SLC24A2: variants seen among roughly 807,000 people sequenced by gnomAD.
The protein encoded by SLC24A2 is sodium/potassium/calcium exchanger 2.
In SLC24A2, 36 loss-of-function variants were observed where a neutral mutation model predicts 62.0. That is an observed-to-expected ratio of 0.58 (90% CI 0.44 to 0.77). The LOEUF (loss-of-function observed/expected upper bound fraction) is 0.77, where lower values mean the gene tolerates loss of function less well. SLC24A2 is among the 30% of genes least tolerant of loss of function. The probability of loss-of-function intolerance (pLI) is 0.00; values close to 1 mark genes in which losing one functional copy is unlikely to be tolerated. For synonymous variants in SLC24A2, 358 were observed against 294.0 expected (o/e 1.22, Z -2.23); for missense variants, 846 against 817.9 (o/e 1.03, Z -0.42).
At chr9:20,269,990 T>C in the SLC24A2 span, among the ~76,000 whole-genome samples, 3 of 152,186 alleles carry the variant, frequency 2.0e-5, no homozygotes, top group Non-Finnish European at 4.4e-5. Context: ...AGATTTTTCA[T>C]GCTGCATCAT....
the SLC24A2 span, among the ~76,000 whole-genome samples, chr9:20,165,562 G>C: frequency 2.6e-5 from 4 of 151,740 alleles, no homozygotes; most frequent in African/African-American, 9.7e-5. Context: ...GAAATAAATG[G>C]TGTTAAGACA....
At chr9:19,925,470 GTA>G in the SLC24A2 span, among the ~76,000 whole-genome samples, 1 of 152,150 alleles carries the variant, frequency 6.6e-6, no homozygotes, top group Admixed American at 6.5e-5. Context: ...AACTCCTTGT[GTA>G]TATATGTTTT....
chr9:19,524,246 C>G lies in SLC24A2; in HGVS notation c.1570-3186G>C, dbSNP rs1173572059. On this transcript the variant is annotated intron_variant, in intron 9 of 10. Coordinates refer to ENST00000341998, the MANE Select transcript of SLC24A2 (RefSeq NM_020344.4). The stretch of plus-strand genomic sequence containing the variant: ...TTCTGTGCCTTGGTTTAAGGAGGAT[C>G]TGAAAGAATGCTATAGTGGCTAAAT... Among the ~76,000 whole-genome samples, 4 of 150,206 alleles carry G rather than the reference C, an allele frequency of 2.7e-5. No homozygotes were observed. The Admixed American group carries it at 2.7e-4, about 10-fold the overall frequency.
intron 2 of SLC24A2, among the ~76,000 whole-genome samples, chr9:19,699,683 A>G (rs889139856): frequency 1.3e-5 from 2 of 152,240 alleles, no homozygotes; most frequent in African/African-American, 4.8e-5. Flanking sequence ...AAAGAAATGT[A>G]TCAAATTAAT....
chr9:20,210,550 T>G, the SLC24A2 span, among the ~76,000 whole-genome samples: 1 of 149,636 alleles, frequency 6.7e-6, no homozygotes, highest in Non-Finnish European at 1.5e-5. Context: ...CTCGGCTCAC[T>G]GCAAGCTCCG....
the SLC24A2 span, among the ~76,000 whole-genome samples, chr9:19,819,332 A>C: frequency 6.6e-6 from 1 of 152,178 alleles, no homozygotes; most frequent in East Asian, 1.9e-4. Context: ...ATGCAATAAA[A>C]GCAAAGATAA....
the SLC24A2 span, among the ~76,000 whole-genome samples, chr9:20,003,711 G>A: frequency 2.0e-5 from 3 of 152,128 alleles, no homozygotes; most frequent in African/African-American, 4.8e-5. Context: ...CTCTGCTGTT[G>A]TAGCATGAAA....
At chr9:20,215,221 T>C in the SLC24A2 span, among the ~76,000 whole-genome samples, 1 of 152,164 alleles carries the variant, frequency 6.6e-6, no homozygotes, top group Non-Finnish European at 1.5e-5. Context: ...TTATAAGGAC[T>C]CTACTCCCAA....
chr9:19,907,351 C>G, the SLC24A2 span, among the ~76,000 whole-genome samples: 1 of 152,180 alleles, frequency 6.6e-6, no homozygotes, highest in Non-Finnish European at 1.5e-5. Flanking sequence ...CTATCTATGA[C>G]AAACCCACAG....
the SLC24A2 span, among the ~76,000 whole-genome samples, chr9:20,119,998 G>A: frequency 2.0e-5 from 3 of 152,200 alleles, no homozygotes; most frequent in East Asian, 3.9e-4. Flanking sequence ...CAAGAGCATC[G>A]GCAGGGCTGT....
chr9:20,253,591 C>T, the SLC24A2 span, among the ~76,000 whole-genome samples: 12 of 152,172 alleles, frequency 7.9e-5, no homozygotes, highest in Non-Finnish European at 1.3e-4. Context: ...TGTCCAGACC[C>T]TACTCTGAAC....
chr9:19,718,158 G>C (rs914316745), intron 2 of SLC24A2, among the ~76,000 whole-genome samples: 4 of 151,324 alleles, frequency 2.6e-5, no homozygotes, highest in African/African-American at 9.7e-5. Flanking sequence ...TGTATTTTTA[G>C]TAGAGATGGG....
the SLC24A2 span, among the ~76,000 whole-genome samples, chr9:20,000,729 C>A: frequency 6.6e-6 from 1 of 152,180 alleles, no homozygotes; most frequent in African/African-American, 2.4e-5. Flanking sequence ...AAAGAATGGA[C>A]CCCAGTTTTG....
chr9:19,992,278 G>C, the SLC24A2 span, among the ~76,000 whole-genome samples: 19 of 152,266 alleles, frequency 1.2e-4, no homozygotes, highest in African/African-American at 4.1e-4. Context: ...TAGAGGTAGA[G>C]GTTTGGGGCT....
chr9:19,764,574 A>C (rs1007399046), intron 2 of SLC24A2, among the ~76,000 whole-genome samples: 2 of 152,244 alleles, frequency 1.3e-5, no homozygotes, highest in African/African-American at 4.8e-5. Context: ...GTAGTCATTC[A>C]GGAGCAAGTT....
chr9:19,597,897 G>A (rs1417482706), intron 4 of SLC24A2, among the ~76,000 whole-genome samples: 7 of 152,304 alleles, frequency 4.6e-5, no homozygotes, highest in African/African-American at 1.7e-4. Flanking sequence ...TCAGATAAGT[G>A]ACAGGGCAGC....
the SLC24A2 span, among the ~76,000 whole-genome samples, chr9:20,163,144 G>A: frequency 6.6e-6 from 1 of 152,206 alleles, no homozygotes; most frequent in South Asian, 2.1e-4. Flanking sequence ...AATTAGGCAG[G>A]AGAAGGAAAC....
chr9:20,020,314 A>G, the SLC24A2 span, among the ~76,000 whole-genome samples: 53 of 152,362 alleles, frequency 3.5e-4, no homozygotes, highest in African/African-American at 1.2e-3. Flanking sequence ...AAGACTTGGA[A>G]CCAACCCAAA....
the SLC24A2 span, among the ~76,000 whole-genome samples, chr9:20,129,929 A>ACACACACACG: frequency 8.5e-5 from 1 of 11,706 alleles, no homozygotes; most frequent in Non-Finnish European, 2.9e-4. Flanking sequence ...ATAATTTACT[A>ACACACACACG]CACACACACA....
Sources: gnomAD v4.1 joint callset for allele counts (sites outside exome capture counted in the v4.1 genomes callset) on GRCh38, gnomAD v4.1.1 for gene constraint, MANE v1.5 for transcripts, NCBI Gene and HGNC (gene_info 2026-07-23, HGNC 2026-07-21) for gene names.